The following ANKS1B variants were observed in gnomAD, a reference collection of about 807,000 sequenced individuals.
ANKS1B encodes ankyrin repeat and sterile alpha motif domain-containing protein 1B.
In ANKS1B, 36 loss-of-function variants were observed where a neutral mutation model predicts 148.3. The observed-to-expected ratio is 0.24, with a 90% CI of 0.19 to 0.32. The LOEUF is 0.32. ANKS1B is among the 10% of genes least tolerant of loss of function. ANKS1B has a pLI of 1.00. For synonymous variants in ANKS1B, 542 were observed against 560.8 expected, an observed-to-expected ratio of 0.97 and a Z score of 0.47; for missense variants, 1,157 against 1,542.6, an observed-to-expected ratio of 0.75 and a Z score of 4.19.
chr12:98,858,248 T>C (rs2099581636), intron 17 of ANKS1B, among the ~76,000 whole-genome samples: 1 of 152,222 alleles, frequency 6.6e-6, no homozygotes, highest in Non-Finnish European at 1.5e-5. Flanking sequence ...AAGAGAGCTC[T>C]TGAGTCAATG....
At chr12:98,871,697 T>C (rs1288690057) in intron 17 of ANKS1B, among the ~76,000 whole-genome samples, 2 of 152,216 alleles carry the variant, frequency 1.3e-5, no homozygotes, top group Non-Finnish European at 2.9e-5. Flanking sequence ...GAGCTGTTTT[T>C]TTTTAATTAA....
At chr12:98,895,246 C>T in intron 17 of ANKS1B, 1 of 985,486 alleles carries the variant, frequency 1.0e-6, no homozygotes, top group Non-Finnish European at 1.2e-6. Context: ...TCCTGGCTCC[C>T]AGGCACTCGC....
chr12:98,852,705 C>T (rs2099536951), intron 17 of ANKS1B, among the ~76,000 whole-genome samples: 1 of 152,106 alleles, frequency 6.6e-6, no homozygotes, highest in Non-Finnish European at 1.5e-5. Context: ...TGGCAGAGCC[C>T]ACATTAAAAA....
At chr12:99,583,552 A>G (rs1383121287) in intron 9 of ANKS1B, among the ~76,000 whole-genome samples, 1 of 152,200 alleles carries the variant, frequency 6.6e-6, no homozygotes, top group Non-Finnish European at 1.5e-5. Context: ...CACTGGAATT[A>G]CTCCATTAAT....
At chr12:99,178,749 CT>C (rs1468948393) in intron 14 of ANKS1B, among the ~76,000 whole-genome samples, 11 of 152,048 alleles carry the variant, frequency 7.2e-5, no homozygotes, top group African/African-American at 2.4e-4. Context: ...TCATAAATAA[CT>C]TAAGACCATT....
chr12:98,757,928 A>ATGTGTGCACGTGTGTGTGTG (rs1555258865), intron 25 of ANKS1B, among the ~76,000 whole-genome samples: 4 of 107,140 alleles, frequency 3.7e-5, no homozygotes, highest in African/African-American at 1.4e-4. Context: ...ATGTGTGTGC[A>ATGTGTGCACGTGTGTGTGTG]TGTGTGCACG....
At chr12:99,444,857 G>C (rs144031679) in intron 10 of ANKS1B, among the ~76,000 whole-genome samples, 12 of 151,844 alleles carry the variant, frequency 7.9e-5, no homozygotes, top group Non-Finnish European at 1.8e-4. Flanking sequence ...GTTCCTGATC[G>C]CTGTCTACAA....
intron 9 of ANKS1B, among the ~76,000 whole-genome samples, chr12:99,613,328 T>C (rs1050452991): frequency 6.6e-6 from 1 of 152,112 alleles, no homozygotes; most frequent in African/African-American, 2.4e-5. Context: ...AGAAATATCA[T>C]TCAACCCAGC....
intron 15 of ANKS1B, among the ~76,000 whole-genome samples, chr12:99,151,964 G>A (rs1276576058): frequency 6.6e-6 from 1 of 152,084 alleles, no homozygotes; most frequent in Non-Finnish European, 1.5e-5. Context: ...GCAACAGGAG[G>A]AATAAATGCA....
Position 98,744,630 on chromosome 12 carries a change from C to CTT in ANKS1B, c.*1107_*1108dup, listed in dbSNP as rs754159329. 3 of 827,698 alleles carry CTT rather than the reference C, an allele frequency of 3.6e-6. No individual in the cohort carries two copies. Among genetic ancestry groups the CTT allele is most frequent in the Non-Finnish European group, 4.4e-6 (3 of 689,082 alleles). The allele number at this position is 827,698 out of a possible 1,614,324, so 51.3% of individuals were successfully genotyped here. On this transcript the variant is annotated 3_prime_UTR_variant, in exon 27 of 27. Transcript: ENST00000683438. Reference sequence around the variant, plus strand: ...TTTATTTAATCAAATAGTAAGCAAACTTTTTTTTTGTTTGTCTCAAGAAAA... The same window carrying CTT: ...TTTATTTAATCAAATAGTAAGCAAACTTTTTTTTTTTGTTTGTCTCAAGAAAA...
intron 12 of ANKS1B, among the ~76,000 whole-genome samples, chr12:99,321,819 A>T (rs2085333012): frequency 6.6e-6 from 1 of 152,164 alleles, no homozygotes; most frequent in South Asian, 2.1e-4. Context: ...CCATCTTGGG[A>T]CCATCCAGAA....
Position 99,782,056 on chromosome 12 carries a change from T to G in ANKS1B, c.711A>C (p.Gly237=). Residue 237 remains glycine, a synonymous_variant, in exon 5 of 27, where the codon GGA becomes GGC. Transcript: ENST00000683438. Reference sequence around the variant, plus strand: ...ACAGAACTCGTACAACATCCACCTTTCCAAACAAAGCTGCTTCATGAAGTG... The same window carrying G: ...ACAGAACTCGTACAACATCCACCTTGCCAAACAAAGCTGCTTCATGAAGTG... The part of the protein sequence containing the change: ...GSALHEAALF[G]KVDVVRVLLE... The G allele has an allele frequency of 6.2e-7, 1 of 1,606,574 alleles. No homozygotes were observed.
intron 1 of ANKS1B, among the ~76,000 whole-genome samples, chr12:99,858,554 A>C (rs2089543811): frequency 6.6e-6 from 1 of 152,178 alleles, no homozygotes; most frequent in Non-Finnish European, 1.5e-5. Flanking sequence ...AAGTCATTAT[A>C]CGAAAAAGAT....
intron 12 of ANKS1B, among the ~76,000 whole-genome samples, chr12:99,299,162 GTAATCCTC>G (rs1479363482): frequency 5.3e-5 from 8 of 151,954 alleles, no homozygotes; most frequent in African/African-American, 1.9e-4. Context: ...CTGGGCTCTA[GTAATCCTC>G]CCACTTCAGC....
rs571457800 is a variant in ANKS1B, at chr12:98,775,987, G to A, written c.3442-2808C>T. On this transcript the variant is annotated intron_variant, in intron 24 of 26. Transcript: ENST00000683438. ...TCATCCTAACTGGCGCTTAAAAGATGCTCTTGAATTTGTATTGATAGCCTG... is the reference window on the plus strand; with the variant it reads ...TCATCCTAACTGGCGCTTAAAAGATACTCTTGAATTTGTATTGATAGCCTG... Among the ~76,000 whole-genome samples, 24 of 152,368 alleles carry A rather than the reference G, an allele frequency of 1.6e-4. No homozygotes were observed. The South Asian group carries it at 3.7e-3, about 24-fold the overall frequency.
chr12:99,109,743 A>G (rs182159832), intron 15 of ANKS1B, among the ~76,000 whole-genome samples: 349 of 152,126 alleles, frequency 2.3e-3, no homozygotes, highest in African/African-American at 4.6e-3. Flanking sequence ...TAAATCTAGC[A>G]TTTGTCTTTA....
At chr12:98,766,895 T>G (rs2098488127) in intron 25 of ANKS1B, among the ~76,000 whole-genome samples, 1 of 152,022 alleles carries the variant, frequency 6.6e-6, no homozygotes, top group African/African-American at 2.4e-5. Context: ...GCTCAGTGTC[T>G]CCTAGGCCCA....
chr12:99,041,175 G>A (rs766677146), intron 17 of ANKS1B, among the ~76,000 whole-genome samples: 22 of 152,114 alleles, frequency 1.4e-4, no homozygotes, highest in Admixed American at 6.5e-4. Flanking sequence ...GATAAAGGAA[G>A]AGTTACTAAA....
At chr12:98,756,048 T>C (rs893478859) in intron 25 of ANKS1B, among the ~76,000 whole-genome samples, 1 of 152,186 alleles carries the variant, frequency 6.6e-6, no homozygotes, top group Non-Finnish European at 1.5e-5. Flanking sequence ...GAATTAGTCA[T>C]GTAAAAAGTC....
Sources: allele counts gnomAD v4.1 joint callset (sites outside exome capture counted in the v4.1 genomes callset), GRCh38; gene constraint gnomAD v4.1.1; transcripts MANE v1.5; gene names NCBI Gene and HGNC (gene_info 2026-07-23, HGNC 2026-07-21).